The following MALRD1 variants were observed in gnomAD, a reference collection of about 807,000 sequenced individuals.
The protein encoded by MALRD1 is MAM and LDL receptor class A domain containing 1, also known as MAM and LDL-receptor class A domain-containing protein 1.
In MALRD1, 247 loss-of-function variants were observed where a neutral mutation model predicts 242.1. That is an observed-to-expected ratio of 1.02 (90% CI 0.92 to 1.13). The LOEUF is 1.13. MALRD1 is among the 50% of genes most tolerant of loss of function. The probability of loss-of-function intolerance (pLI) is 0.00; values close to 1 mark genes in which losing one functional copy is unlikely to be tolerated. For synonymous variants in MALRD1, 995 were observed against 866.6 expected (o/e 1.15, Z -2.60); for missense variants, 2,989 against 2,533.1 (o/e 1.18, Z -3.86).
At chr10:19,362,240 C>A (rs74121496) in intron 26 of MALRD1, among the ~76,000 whole-genome samples, 1 of 151,996 alleles carries the variant, frequency 6.6e-6, no homozygotes, top group Non-Finnish European at 1.5e-5. Flanking sequence ...TTTCTTATAC[C>A]GCTCACTCTG....
chr10:19,244,660 A>G (rs1442090832), intron 18 of MALRD1, among the ~76,000 whole-genome samples: 1 of 152,210 alleles, frequency 6.6e-6, no homozygotes, highest in Non-Finnish European at 1.5e-5. Context: ...AAAAATGGCC[A>G]TTGCTACTTG....
chr10:19,593,021 G>T (rs1186403841), intron 33 of MALRD1, among the ~76,000 whole-genome samples: 5 of 138,306 alleles, frequency 3.6e-5, no homozygotes, highest in African/African-American at 8.1e-5. Context: ...AAAAAAAAAA[G>T]AATTTCTGTA....
At chr10:19,513,425 C>CTT (rs34441106) in intron 31 of MALRD1, among the ~76,000 whole-genome samples, 15 of 139,658 alleles carry the variant, frequency 1.1e-4, no homozygotes, top group South Asian at 6.9e-4. Flanking sequence ...AAATAAATCT[C>CTT]TTTTTTTTTT....
rs140753369 is a variant in MALRD1 at position 19,588,742 on chromosome 10, C to T, written c.5681-6452C>T. Among the ~76,000 whole-genome samples, 541 of 152,278 alleles carry T rather than the reference C, an allele frequency of 3.6e-3. 5 individuals carry two copies. Among genetic ancestry groups the T allele is most frequent in the African/African-American group, 0.012 (513 of 41,554 alleles). ...ACTGCAACCTCCACCTCCTGGGTTA[C>T]AGTGATTCTGTCACCTCAGCCTTCC... is the stretch of plus-strand genomic sequence containing the variant. On this transcript the variant is annotated intron_variant, in intron 33 of 39. Coordinates refer to ENST00000454679, the MANE Select transcript of MALRD1 (RefSeq NM_001142308.3).
At position 19,237,548 on chromosome 10, in the gene MALRD1, AATTATAATTACACATAAAAT is replaced by A. The variant is rs1838381693; in HGVS notation, c.2992-20135_2992-20116del. ...TATATATATATATAATTTTATGTAT[AATTATAATTACACATAAAAT>A]TATATATAATTATAATTATATAATT... On this transcript the variant is annotated intron_variant, in intron 18 of 39. Transcript: ENST00000454679. 2.3e-5 allele frequency among the ~76,000 whole-genome samples: 3 copies of A among 129,398 alleles called. No individual in the cohort carries two copies. In the Admixed American group the frequency reaches 2.7e-4, roughly 12 times the overall value. The allele number at this position is 129,398 out of a possible 152,430, so 84.9% of individuals were successfully genotyped here. A position where few individuals can be genotyped will look rare whatever the true frequency, so the allele number is the denominator to read the frequency against.
chr10:19,061,149 C>G (rs898241272), intron 1 of MALRD1, among the ~76,000 whole-genome samples: 3 of 152,106 alleles, frequency 2.0e-5, no homozygotes, highest in Admixed American at 2.0e-4. Flanking sequence ...GGGAGAGCAT[C>G]AGGAAGAATA....
chr10:19,640,631 C>G (rs1840342738), intron 36 of MALRD1, among the ~76,000 whole-genome samples: 1 of 152,180 alleles, frequency 6.6e-6, no homozygotes, highest in Non-Finnish European at 1.5e-5. Context: ...TAGCACTAGA[C>G]TATTTTGGAA....
At chr10:19,647,080 G>C (rs532647812) in intron 36 of MALRD1, among the ~76,000 whole-genome samples, 1 of 152,288 alleles carries the variant, frequency 6.6e-6, no homozygotes, top group Admixed American at 6.5e-5. Context: ...TTCAACAACA[G>C]AGCCCTAGCA....
rs919506394 is a variant in MALRD1 at position 19,146,183 on chromosome 10, T to C, written c.1412-15T>C. 25 of 1,231,514 alleles carry C rather than the reference T, an allele frequency of 2.0e-5. No individual in the cohort carries two copies. The African/African-American group carries it at 3.3e-4, about 16-fold the overall frequency. 76.3% of individuals were successfully genotyped at this position (1,231,514 alleles called of 1,614,324 possible). A position where few individuals can be genotyped will look rare whatever the true frequency, so the allele number is the denominator to read the frequency against. On this transcript the variant is annotated splice_polypyrimidine_tract_variant and intron_variant, in intron 10 of 39. Transcript: ENST00000454679. ...TTCATTTCTCCTCACCTGTTTTCTC[T>C]TCTACGTGTAACAGCAAAGCATCTC...
rs927224068 is a variant in MALRD1 at position 19,513,563 on chromosome 10, C to T, written c.5320+14917C>T. ...GACCATCCTGGCTAACACAGGGAAA[C>T]CCCGTCTCTACTAAAAATACAAAAA... On this transcript the variant is annotated intron_variant, in intron 31 of 39. Coordinates refer to ENST00000454679, the MANE Select transcript of MALRD1 (RefSeq NM_001142308.3). 4.6e-5 allele frequency among the ~76,000 whole-genome samples: 7 copies of T among 151,600 alleles called. No homozygotes were observed. The East Asian group carries it at 1.4e-3, about 30-fold the overall frequency.
intron 35 of MALRD1, among the ~76,000 whole-genome samples, chr10:19,608,774 A>G (rs1490424016): frequency 2.0e-5 from 3 of 152,122 alleles, no homozygotes. Context: ...TTATACTGCT[A>G]GAAGTGAGTA....
rs543827175 is a variant in MALRD1, at chr10:19,460,044, C to T, written c.5029+9554C>T. Among the ~76,000 whole-genome samples the T allele has an allele frequency of 2.9e-4, 44 of 152,036 alleles. No individual in the cohort carries two copies. The South Asian group carries it at 8.7e-3, about 30-fold the overall frequency. On this transcript the variant is annotated intron_variant, in intron 29 of 39. Coordinates refer to ENST00000454679, the MANE Select transcript of MALRD1 (RefSeq NM_001142308.3). ...AAATTTTCATATTTAGGATCTAGGT[C>T]AGTAGGACCATTGCATAGAGTTTTT...
At chr10:19,188,624 T>A (rs10740850) in intron 14 of MALRD1, among the ~76,000 whole-genome samples, 173 of 151,570 alleles carry the variant, frequency 1.1e-3, no homozygotes, top group Non-Finnish European at 1.9e-3. Context: ...TCTACGGAGC[T>A]ACCTTGTTTA....
At chr10:19,073,506 C>A (rs991457473) in intron 2 of MALRD1, among the ~76,000 whole-genome samples, 1 of 152,066 alleles carries the variant, frequency 6.6e-6, no homozygotes, top group African/African-American at 2.4e-5. Context: ...GAAAATTCCA[C>A]ACCTGACGCC....
intron 14 of MALRD1, among the ~76,000 whole-genome samples, chr10:19,201,914 C>CAA (rs956431874): frequency 3.9e-5 from 6 of 152,088 alleles, no homozygotes; most frequent in African/African-American, 1.4e-4. Flanking sequence ...CTCCCAGATT[C>CAA]AAGCGATTCT....
At chr10:19,417,981 G>A (rs984219101) in intron 28 of MALRD1, among the ~76,000 whole-genome samples, 11 of 150,736 alleles carry the variant, frequency 7.3e-5, no homozygotes, top group Non-Finnish European at 1.2e-4. Flanking sequence ...ACATACACAC[G>A]CACACACACA....
intron 14 of MALRD1, among the ~76,000 whole-genome samples, chr10:19,198,701 C>T (rs1836375107): frequency 6.6e-6 from 1 of 152,030 alleles, no homozygotes; most frequent in African/African-American, 2.4e-5. Flanking sequence ...ACCCTTTAAG[C>T]CATGGGTAGA....
chr10:19,582,044 C>T (rs1399535018), intron 33 of MALRD1, among the ~76,000 whole-genome samples: 1 of 152,000 alleles, frequency 6.6e-6, no homozygotes, highest in Non-Finnish European at 1.5e-5. Flanking sequence ...CTGTTCATGT[C>T]CTTTGCCCAC....
chr10:19,569,631 A>G (rs143634130), intron 33 of MALRD1, among the ~76,000 whole-genome samples: 2,324 of 147,748 alleles, frequency 0.016, 29 homozygotes, highest in Non-Finnish European at 0.024. Flanking sequence ...TTATATATAT[A>G]TTCCATAATA....
Sources: allele counts gnomAD v4.1 joint callset (sites outside exome capture counted in the v4.1 genomes callset), GRCh38; gene constraint gnomAD v4.1.1; transcripts MANE v1.5; gene names NCBI Gene and HGNC (gene_info 2026-07-23, HGNC 2026-07-21).